SLC6A20: variants seen among roughly 807,000 people sequenced by gnomAD.
SLC6A20 encodes the protein solute carrier family 6 member 20, also known as sodium- and chloride-dependent transporter XTRP3.
Under a neutral mutation model 64.3 loss-of-function variants are expected in SLC6A20, and 73 were observed. That is an observed-to-expected ratio of 1.14 (90% CI 0.94 to 1.38). SLC6A20 has a LOEUF of 1.38. Ranked by LOEUF, SLC6A20 falls within the 40% of genes most tolerant of loss-of-function variation. SLC6A20 has a pLI of 0.00. For missense variants in SLC6A20, 725 were observed against 772.8 expected (o/e 0.94, Z 0.73); for synonymous variants, 347 against 329.6 (o/e 1.05, Z -0.57).
chr3:45,761,708 G>A (rs1300776354), intron 9 of SLC6A20, among the ~76,000 whole-genome samples: 1 of 152,142 alleles, frequency 6.6e-6, no homozygotes, highest in East Asian at 1.9e-4. Context: ...GTGGGAGTCG[G>A]GTGAGAGGAG....
At chr3:45,776,275 G>T (rs1225212713) in intron 3 of SLC6A20, among the ~76,000 whole-genome samples, 3 of 152,034 alleles carry the variant, frequency 2.0e-5, no homozygotes, top group Non-Finnish European at 4.4e-5. Context: ...AGACTGAATA[G>T]CAAATGGACC....
At chr3:45,779,086 G>A (rs936414074) in intron 3 of SLC6A20, among the ~76,000 whole-genome samples, 2 of 152,222 alleles carry the variant, frequency 1.3e-5, no homozygotes, top group African/African-American at 4.8e-5. Flanking sequence ...GTCCATGCCA[G>A]CCCTATCTTG....
chr3:45,778,043 A>C (rs1700000831), intron 3 of SLC6A20, among the ~76,000 whole-genome samples: 1 of 152,212 alleles, frequency 6.6e-6, no homozygotes, highest in South Asian at 2.1e-4. Flanking sequence ...AACTTGTTAA[A>C]TGGGCCAGTT....
intron 7 of SLC6A20, 113 bp downstream of exon 7, chr3:45,770,096 A>C: frequency 2.2e-6 from 3 of 1,363,758 alleles, no homozygotes; most frequent in South Asian, 1.4e-5. Context: ...AAAGTAATTC[A>C]GGATCCTTCT....
In SLC6A20 at chr3:45,758,785, A is replaced by G; in HGVS notation, c.*193T>C. ...CATGATGAGGAGGCAGGTGACAGGGAGGAACAGCCACCACGGGAGGGTGTG... is the reference window on the plus strand; with the variant it reads ...CATGATGAGGAGGCAGGTGACAGGGGGGAACAGCCACCACGGGAGGGTGTG... On this transcript the variant is annotated 3_prime_UTR_variant, in exon 11 of 11. Transcript: ENST00000358525. 1 of 1,340,398 alleles carries G rather than the reference A, an allele frequency of 7.5e-7. No homozygotes were observed. The highest frequency in any genetic ancestry group is 9.6e-7 in the Non-Finnish European group (1 of 1,045,716). The allele number at this position is 1,340,398 out of a possible 1,614,324, so 83.0% of individuals were successfully genotyped here.
At chr3:45,761,038 G>A (rs1014367787) in intron 9 of SLC6A20, among the ~76,000 whole-genome samples, 1 of 152,208 alleles carries the variant, frequency 6.6e-6, no homozygotes, top group African/African-American at 2.4e-5. Context: ...GGGACCTGCT[G>A]CATGTCCTGG....
intron 1 of SLC6A20, among the ~76,000 whole-genome samples, 190 bp from the exon 2 acceptor site, chr3:45,782,413 T>C (rs1185761551): frequency 6.6e-6 from 1 of 151,982 alleles, no homozygotes; most frequent in Non-Finnish European, 1.5e-5. Context: ...TTTTCATCCA[T>C]CCCTCTTGCT....
rs778822622 is a variant in SLC6A20 at position 45,758,986 on chromosome 3, C to T, written c.1771G>A (p.Val591Met). 20 of 1,605,544 alleles carry T rather than the reference C, an allele frequency of 1.2e-5. No homozygotes were observed. The highest frequency in any genetic ancestry group is 9.4e-5 in the African/African-American group (7 of 74,642). The change falls in exon 11 of 11, where the codon GTG becomes ATG. Residue 591 changes from valine to methionine, a missense_variant. By Grantham distance (21) the Val-to-Met change is conservative. Transcript: ENST00000358525. Reference protein sequence around the residue: ...RRLKRGDADPVA With the variant: ...RRLKRGDADPMA ...GCTGGGAAGCCCACATCTCAGGCCA[C>T]GGGGTCTGCGTCTCCCCTCTTGAGG...
chr3:45,771,105 C>T (rs1343782196), intron 6 of SLC6A20, 112 bp downstream of exon 6: 7 of 1,469,696 alleles, frequency 4.8e-6, no homozygotes, highest in South Asian at 2.7e-5. Context: ...CAAATGTGAG[C>T]CCTGGATTGA....
chr3:45,775,721 C>A, intron 4 of SLC6A20, 40 bp downstream of exon 4: 1 of 1,578,822 alleles, frequency 6.3e-7, no homozygotes, highest in Non-Finnish European at 8.6e-7. Flanking sequence ...CACCCTCCCA[C>A]CCACCAGGAG....
rs1332796839 is a variant in SLC6A20 at position 45,757,148 on chromosome 3, G to T, written c.*1830C>A. 2 of 150,976 alleles carry T rather than the reference G, an allele frequency of 1.3e-5. No individual in the cohort carries two copies. The highest frequency in any genetic ancestry group is 2.9e-5 in the Non-Finnish European group (2 of 67,906). 9.4% of individuals were successfully genotyped at this position (150,976 alleles called of 1,614,324 possible). On this transcript the variant is annotated 3_prime_UTR_variant, in exon 11 of 11. Coordinates refer to ENST00000358525, the MANE Select transcript of SLC6A20 (RefSeq NM_020208.4). Reference sequence around the variant, plus strand: ...CATATCTCACCTCCAGCCACAGGGCGGTTTTCTCCTATCTCAGAATAGAAC... The same window carrying T: ...CATATCTCACCTCCAGCCACAGGGCTGTTTTCTCCTATCTCAGAATAGAAC...
rs1699528530 is a variant in SLC6A20 at position 45,755,733 on chromosome 3, GGATT to G, written c.*3241_*3244del. Reference sequence around the variant, plus strand: ...ATGGCAAAGAACATTTTTTGAGACAGGATTGATTACTGGCTCAAGAGGATTCTTG... The same window carrying G: ...ATGGCAAAGAACATTTTTTGAGACAGGATTACTGGCTCAAGAGGATTCTTG... On this transcript the variant is annotated 3_prime_UTR_variant, in exon 11 of 11. Transcript: ENST00000358525. 1 of 152,552 alleles carries G rather than the reference GGATT, an allele frequency of 6.6e-6. No individual in the cohort carries two copies. The highest frequency in any genetic ancestry group is 6.5e-5 in the Admixed American group (1 of 15,274). 9.4% of individuals were successfully genotyped at this position (152,552 alleles called of 1,614,324 possible).
At chr3:45,764,939 G>A (rs1303372015) in intron 8 of SLC6A20, among the ~76,000 whole-genome samples, 2 of 150,750 alleles carry the variant, frequency 1.3e-5, no homozygotes, top group Non-Finnish European at 3.0e-5. Flanking sequence ...CAGGCCAGGT[G>A]TGGTGGCTCA....
intron 1 of SLC6A20, among the ~76,000 whole-genome samples, chr3:45,785,138 G>A (rs1048688085): frequency 6.6e-6 from 1 of 152,130 alleles, no homozygotes; most frequent in Non-Finnish European, 1.5e-5. Flanking sequence ...TCTGGAAAAG[G>A]CAAAACTATA....
chr3:45,775,133 T>C (rs1284052980), intron 4 of SLC6A20, among the ~76,000 whole-genome samples: 3 of 152,080 alleles, frequency 2.0e-5, no homozygotes, highest in Non-Finnish European at 4.4e-5. Flanking sequence ...CCAGTGAAAG[T>C]GTGAGCCTTG....
rs557155069 is a variant in SLC6A20 at position 45,755,517 on chromosome 3, A to G, written c.*3461T>C. 6.6e-6 allele frequency: 1 copy of G among 152,526 alleles called. No homozygotes were observed. The allele number at this position is 152,526 out of a possible 1,614,324, so 9.4% of individuals were successfully genotyped here. ...TAAAAAACAAATATTTCCCTACTCAATTTCTTGGAGCTAAATCAAGGTTTG... is the reference window on the plus strand; with the variant it reads ...TAAAAAACAAATATTTCCCTACTCAGTTTCTTGGAGCTAAATCAAGGTTTG... On this transcript the variant is annotated 3_prime_UTR_variant, in exon 11 of 11. Transcript: ENST00000358525.
intron 1 of SLC6A20, among the ~76,000 whole-genome samples, chr3:45,783,121 G>C (rs773527378): frequency 2.6e-5 from 4 of 152,206 alleles, no homozygotes; most frequent in Non-Finnish European, 5.9e-5. Flanking sequence ...GCCAGCCCCT[G>C]GCTGGTGTGG....
intron 2 of SLC6A20, among the ~76,000 whole-genome samples, chr3:45,781,322 A>G (rs1700081194): frequency 6.6e-6 from 1 of 152,168 alleles, no homozygotes; most frequent in African/African-American, 2.4e-5. Context: ...ATCTGCAACC[A>G]GGTCACATAT....
At chr3:45,775,254 C>T (rs544725318) in intron 4 of SLC6A20, among the ~76,000 whole-genome samples, 7 of 152,236 alleles carry the variant, frequency 4.6e-5, no homozygotes, top group African/African-American at 1.2e-4. Flanking sequence ...AATCACCTGG[C>T]GAGCTTTTAA....
Sources: allele counts gnomAD v4.1 joint callset (sites outside exome capture counted in the v4.1 genomes callset), GRCh38; gene constraint gnomAD v4.1.1; transcripts MANE v1.5; gene names NCBI Gene and HGNC (gene_info 2026-07-23, HGNC 2026-07-21).